Variants in PIK3CG observed in about 807,000 individuals in gnomAD.
PIK3CG encodes phosphatidylinositol 4,5-bisphosphate 3-kinase catalytic subunit gamma isoform.
In PIK3CG, 55 loss-of-function variants were observed where a neutral mutation model predicts 102.3. The ratio of observed to expected loss-of-function variants is 0.54; its 90% CI spans 0.43 to 0.67. The LOEUF is 0.67. PIK3CG is among the 30% of genes least tolerant of loss of function. The pLI is 0.00. For missense variants in PIK3CG, 1,258 were observed against 1,391.8 expected, an observed-to-expected ratio of 0.90 and a Z score of 1.53; for synonymous variants, 552 against 540.0, an observed-to-expected ratio of 1.02 and a Z score of -0.31.
Position 106,874,874 on chromosome 7 carries a change from A to G in PIK3CG, c.2391+71A>G. On this transcript the variant is annotated intron_variant, in intron 5 of 10. Transcript: ENST00000496166. The surrounding 1 kb of genome is among the most constrained non-coding windows in gnomAD (Gnocchi z 4.3). ...ATGTCTAACGTGCTTGCTGGGGCCC[A>G]GTACTTAAAAGCTAATGTTTATGCA... 1.1e-6 allele frequency: 1 copy of G among 941,494 alleles called. No homozygotes were observed. The highest frequency in any genetic ancestry group is 1.7e-6 in the Non-Finnish European group (1 of 593,410). The allele number at this position is 941,494 out of a possible 1,614,324, so 58.3% of individuals were successfully genotyped here. A position where few individuals can be genotyped will look rare whatever the true frequency, so the allele number is the denominator to read the frequency against.
At position 106,883,160 on chromosome 7, in the gene PIK3CG, A is replaced by G. The variant is rs2116546145; in HGVS notation, c.2757A>G (p.Glu919=). 2.5e-6 allele frequency: 4 copies of G among 1,614,142 alleles called. No homozygotes were observed. Among genetic ancestry groups the G allele is most frequent in the Non-Finnish European group, 3.4e-6 (4 of 1,179,970 alleles). ...TCAAAGAAAAATCCCCTACTGAAGA[A>G]AAGGTGAGCTCATGCTTTTTCCCAG... ...HWLKEKSPTE[E]KFQAAVERFV... Residue 919 remains glutamate (E), a synonymous_variant, in exon 8 of 11, where the codon GAA becomes GAG. Coordinates refer to ENST00000496166, the MANE Select transcript of PIK3CG (RefSeq NM_001282426.2). This position sits in a 1 kb window ranked among gnomAD's most constrained non-coding sequence, Gnocchi z 5.8.
chr7:106,866,290 G>A (rs79949859), intron 1 of PIK3CG, among the ~76,000 whole-genome samples: 3,149 of 152,302 alleles, frequency 0.021, 77 homozygotes, highest in Middle Eastern at 0.078. Context: ...GTATTACAAT[G>A]TAGTGATACT....
In PIK3CG at chr7:106,869,624, T is replaced by G; in HGVS notation, c.1995+68T>G. On this transcript the variant is annotated intron_variant, in intron 2 of 10. Coordinates refer to ENST00000496166, the MANE Select transcript of PIK3CG (RefSeq NM_001282426.2). This position sits in a 1 kb window ranked among gnomAD's most constrained non-coding sequence, Gnocchi z 5.3. ...AATTGATTTGCATATGCACAGGCAC[T>G]CCATTCAGTTGTCATCAAATGCCCT... The G allele has an allele frequency of 7.7e-7, 1 of 1,297,096 alleles. No individual in the cohort carries two copies. The highest frequency in any genetic ancestry group is 1.1e-6 in the Non-Finnish European group (1 of 947,110). 80.3% of individuals were successfully genotyped at this position (1,297,096 alleles called of 1,614,324 possible). A position where few individuals can be genotyped will look rare whatever the true frequency, so the allele number is the denominator to read the frequency against.
At position 106,894,087 on chromosome 7, in the gene PIK3CG, G is replaced by C. The variant is rs1791338339; in HGVS notation, c.3030+7795G>C. On this transcript the variant is annotated intron_variant, in intron 10 of 10. Transcript: ENST00000496166. The surrounding 1 kb of genome is among the most constrained non-coding windows in gnomAD (Gnocchi z 4.4). The stretch of plus-strand genomic sequence containing the variant: ...TTATGCAGTACATGACTGTATATAG[G>C]ACTTGTGATGTACAGTTTTAAATTA... 3.3e-5 allele frequency among the ~76,000 whole-genome samples: 5 copies of C among 152,178 alleles called. No homozygotes were observed. Among genetic ancestry groups the C allele is most frequent in the Admixed American group, 1.3e-4 (2 of 15,272 alleles).
rs140631790 is a variant in PIK3CG at position 106,895,826 on chromosome 7, A to T, written c.3031-9283A>T. On this transcript the variant is annotated intron_variant, in intron 10 of 10. Coordinates refer to ENST00000496166, the MANE Select transcript of PIK3CG (RefSeq NM_001282426.2). This position sits in a 1 kb window ranked among gnomAD's most constrained non-coding sequence, Gnocchi z 5.4. ...ATTATTCTTAATCTATATTTAAAAG[A>T]GGTTAAGTGACTTCTCCAGTGATAT... is the stretch of plus-strand genomic sequence containing the variant. Among the ~76,000 whole-genome samples, 193 of 152,348 alleles carry T rather than the reference A, an allele frequency of 1.3e-3. No individual in the cohort carries two copies. Among genetic ancestry groups the T allele is most frequent in the Admixed American group, 4.0e-3 (61 of 15,308 alleles).
intron 10 of PIK3CG, among the ~76,000 whole-genome samples, chr7:106,896,651 G>A (rs1791416666): frequency 6.6e-6 from 1 of 152,160 alleles, no homozygotes; most frequent in Non-Finnish European, 1.5e-5. Context: ...GTGATGGCTG[G>A]GCAGCAGCAG....
chr7:106,869,028 G>T lies in PIK3CG; in HGVS notation c.1467G>T (p.Gly489=). 6.2e-7 allele frequency: 1 copy of T among 1,614,182 alleles called. No individual in the cohort carries two copies. The highest frequency in any genetic ancestry group is 8.5e-7 in the Non-Finnish European group (1 of 1,180,040). ...EYVLHMWQIS[G]KGEDQGSFNA... is the part of the protein sequence containing the mutation. ...TCCTCCACATGTGGCAGATATCTGG[G>T]AAGGGAGAAGACCAAGGAAGCTTCA... The change falls in exon 2 of 11, where the codon GGG becomes GGT. Residue 489 remains glycine (G), a synonymous_variant. Coordinates refer to ENST00000496166, the MANE Select transcript of PIK3CG (RefSeq NM_001282426.2). This position sits in a 1 kb window ranked among gnomAD's most constrained non-coding sequence, Gnocchi z 5.3.
Position 106,908,746 on chromosome 7 carries a change from A to G in PIK3CG, c.*3359A>G, listed in dbSNP as rs542994616. Among the ~76,000 whole-genome samples, 29 of 152,342 alleles carry G rather than the reference A, an allele frequency of 1.9e-4. No homozygotes were observed. The highest frequency in any genetic ancestry group is 7.0e-4 in the African/African-American group (29 of 41,594). ...TATTAGTGCTATATTAATGGAAATT[A>G]ATTATTTTTTAAGTAAGTCCAAAAA... On this transcript the variant is annotated 3_prime_UTR_variant, in exon 11 of 11. Transcript: ENST00000496166. The surrounding 1 kb of genome is among the most constrained non-coding windows in gnomAD (Gnocchi z 4.1).
rs1791038161 is a variant in PIK3CG at position 106,884,815 on chromosome 7, C to G, written c.2872+549C>G. On this transcript the variant is annotated intron_variant, in intron 9 of 10. Coordinates refer to ENST00000496166, the MANE Select transcript of PIK3CG (RefSeq NM_001282426.2). The surrounding 1 kb of genome is among the most constrained non-coding windows in gnomAD (Gnocchi z 4.2). Reference sequence around the variant, plus strand: ...ATGTAAGGAATTGATTTATTATGGTCTCTGTGCAGTGAAACCTCTCTGCTA... The same window carrying G: ...ATGTAAGGAATTGATTTATTATGGTGTCTGTGCAGTGAAACCTCTCTGCTA... 6.6e-6 allele frequency among the ~76,000 whole-genome samples: 1 copy of G among 152,132 alleles called. No individual in the cohort carries two copies. Among genetic ancestry groups the G allele is most frequent in the African/African-American group, 2.4e-5 (1 of 41,428 alleles).
rs1264348810 is a variant in PIK3CG at position 106,892,885 on chromosome 7, A to C, written c.3030+6593A>C. On this transcript the variant is annotated intron_variant, in intron 10 of 10. Coordinates refer to ENST00000496166, the MANE Select transcript of PIK3CG (RefSeq NM_001282426.2). The surrounding 1 kb of genome is among the most constrained non-coding windows in gnomAD (Gnocchi z 5.2). ...AAGAACAGCACGAGCAAGTGCATGA[A>C]GTTAGAAAAGTACATACAATCAGTA... 1.3e-5 allele frequency among the ~76,000 whole-genome samples: 2 copies of C among 152,218 alleles called. No individual in the cohort carries two copies. Among genetic ancestry groups the C allele is most frequent in the African/African-American group, 4.8e-5 (2 of 41,450 alleles).
chr7:106,868,584 C>T lies in PIK3CG; in HGVS notation c.1023C>T (p.Ile341=), dbSNP rs2116444354. ...CCGGCTACCATGAGCAGCTTACCAT[C>T]CACGGCAAGGACCACGAGAGTGTGT... ...GVTGYHEQLT[I]HGKDHESVFT... The change falls in exon 2 of 11, where the codon ATC becomes ATT. Residue 341 remains isoleucine, a synonymous_variant. Coordinates refer to ENST00000496166, the MANE Select transcript of PIK3CG (RefSeq NM_001282426.2). The surrounding 1 kb of genome is among the most constrained non-coding windows in gnomAD (Gnocchi z 6.2). 6.2e-7 allele frequency: 1 copy of T among 1,614,208 alleles called. No individual in the cohort carries two copies. Among genetic ancestry groups the T allele is most frequent in the Non-Finnish European group, 8.5e-7 (1 of 1,180,040 alleles).
At position 106,884,280 on chromosome 7, in the gene PIK3CG, GTGCAGAATAAACTTTTATTGTGGTAAAA is replaced by G; in HGVS notation, c.2872+16_2872+43del. 6.6e-7 allele frequency: 1 copy of G among 1,521,010 alleles called. No individual in the cohort carries two copies. The highest frequency in any genetic ancestry group is 9.1e-7 in the Non-Finnish European group (1 of 1,097,936). 94.2% of individuals were successfully genotyped at this position (1,521,010 alleles called of 1,614,324 possible). A position where few individuals can be genotyped will look rare whatever the true frequency, so the allele number is the denominator to read the frequency against. ...TCACCGAGACAGGTGAGTTTATTTA[GTGCAGAATAAACTTTTATTGTGGTAAAA>G]TATATATAACATAACATTTACTATT... On this transcript the variant is annotated intron_variant, in intron 9 of 10. Coordinates refer to ENST00000496166, the MANE Select transcript of PIK3CG (RefSeq NM_001282426.2). The surrounding 1 kb of genome is among the most constrained non-coding windows in gnomAD (Gnocchi z 4.2).
At position 106,872,723 on chromosome 7, in the gene PIK3CG, T is replaced by C. The variant is rs745475345; in HGVS notation, c.2072T>C (p.Ile691Thr). The C allele has an allele frequency of 3.1e-6, 5 of 1,613,454 alleles. No individual in the cohort carries two copies. The highest frequency in any genetic ancestry group is 2.2e-5 in the East Asian group (1 of 44,894). Residue 691 changes from isoleucine (I) to threonine (T), a missense_variant, in exon 4 of 11, where the codon ATT becomes ACT. Around this residue, in one of 2 missense-constraint regions of PIK3CG, gnomAD observed 426 missense variants for 604.2 expected, o/e 0.71. Coordinates refer to ENST00000496166, the MANE Select transcript of PIK3CG (RefSeq NM_001282426.2). The surrounding 1 kb of genome is among the most constrained non-coding windows in gnomAD (Gnocchi z 5.3). Reference sequence around the variant, plus strand: ...TGTACCTGCCCTCAGAACAAAAGAATTGGTCACTTTTTGTTTTGGTTCTTG... The same window carrying C: ...TGTACCTGCCCTCAGAACAAAAGAACTGGTCACTTTTTGTTTTGGTTCTTG... ...LLKRGLRNKR[I>T]GHFLFWFLRS... is the part of the protein sequence containing the mutation.
rs1299352718 is a variant in PIK3CG at position 106,891,518 on chromosome 7, G to A, written c.3030+5226G>A. On this transcript the variant is annotated intron_variant, in intron 10 of 10. Coordinates refer to ENST00000496166, the MANE Select transcript of PIK3CG (RefSeq NM_001282426.2). This position sits in a 1 kb window ranked among gnomAD's most constrained non-coding sequence, Gnocchi z 4.4. ...TTTTGCCAAGAGAACAGGGCATGGA[G>A]TATATACACATAGTGTACATTCAAT... 6.6e-6 allele frequency among the ~76,000 whole-genome samples: 1 copy of A among 152,168 alleles called. No individual in the cohort carries two copies. Among genetic ancestry groups the A allele is most frequent in the East Asian group, 1.9e-4 (1 of 5,198 alleles).
rs1293906030 is a variant in PIK3CG at position 106,867,626 on chromosome 7, G to A, written c.65G>A (p.Arg22Lys). The change falls in exon 2 of 11, where the codon AGG (arginine) becomes AAG (lysine). Residue 22 changes from arginine to lysine, a missense_variant. Arg to Lys is a conservative substitution (Grantham distance 26). Around this residue, in one of 2 missense-constraint regions of PIK3CG, gnomAD observed 832 missense variants for 787.5 expected, o/e 1.06. Transcript: ENST00000496166. This position sits in a 1 kb window ranked among gnomAD's most constrained non-coding sequence, Gnocchi z 5.1. ...LREDNCRRRR[R>K]MKPRSAAASL... is the part of the protein sequence containing the mutation. ...GAGGACAACTGCCGAAGGCGCCGGA[G>A]GATGAAGCCGCGCAGTGCTGCGGCC... The A allele has an allele frequency of 1.2e-6, 2 of 1,612,064 alleles. No homozygotes were observed. The highest frequency in any genetic ancestry group is 2.7e-5 in the African/African-American group (2 of 74,980).
At chr7:106,901,417 G>C (rs1378207925) in intron 10 of PIK3CG, among the ~76,000 whole-genome samples, 1 of 151,968 alleles carries the variant, frequency 6.6e-6, no homozygotes, top group Non-Finnish European at 1.5e-5. Flanking sequence ...AGACCCATTA[G>C]GTTCATTTTT....
At position 106,870,009 on chromosome 7, in the gene PIK3CG, G is replaced by A. The variant is rs553745645; in HGVS notation, c.1995+453G>A. On this transcript the variant is annotated intron_variant, in intron 2 of 10. Coordinates refer to ENST00000496166, the MANE Select transcript of PIK3CG (RefSeq NM_001282426.2). ...AAAGAGGCTAAGTAATGTGCCCAAGGTCACATACTTTGAAAGAGGTAGACC... is the reference window on the plus strand; with the variant it reads ...AAAGAGGCTAAGTAATGTGCCCAAGATCACATACTTTGAAAGAGGTAGACC... Among the ~76,000 whole-genome samples the A allele has an allele frequency of 3.3e-5, 5 of 152,226 alleles. No homozygotes were observed. In the East Asian group the frequency reaches 7.7e-4, roughly 24 times the overall value.
At chr7:106,896,057 A>G (rs1430718622) in intron 10 of PIK3CG, among the ~76,000 whole-genome samples, 1 of 152,246 alleles carries the variant, frequency 6.6e-6, no homozygotes, top group Non-Finnish European at 1.5e-5. Context: ...TTTCTTTCTC[A>G]TAGAAGAGAT....
intron 9 of PIK3CG, among the ~76,000 whole-genome samples, chr7:106,885,278 T>A (rs1791052627): frequency 6.6e-6 from 1 of 151,874 alleles, no homozygotes; most frequent in Non-Finnish European, 1.5e-5. Context: ...TAGGAGAGGG[T>A]CATATCCCAG....
Sources: gnomAD v4.1 joint callset for allele counts (sites outside exome capture counted in the v4.1 genomes callset) on GRCh38, gnomAD v4.1.1 for gene constraint, gnomAD v4.1.1 regional missense constraint, Gnocchi (gnomAD v3.1) non-coding constraint, MANE v1.5 for transcripts, NCBI Gene and HGNC (gene_info 2026-07-23, HGNC 2026-07-21) for gene names.